The following CSRNP3 variants were observed in gnomAD, a reference collection of about 807,000 sequenced individuals.
CSRNP3 encodes cysteine and serine rich nuclear protein 3.
In CSRNP3, 12 loss-of-function variants were observed where a neutral mutation model predicts 48.0. The ratio of observed to expected loss-of-function variants is 0.25; its 90% CI spans 0.16 to 0.41. The LOEUF is 0.41. CSRNP3 is among the 10% of genes least tolerant of loss of function. CSRNP3 has a pLI of 1.00. For synonymous variants in CSRNP3, 263 were observed against 269.7 expected (o/e 0.98, Z 0.24); for missense variants, 580 against 724.4 (o/e 0.80, Z 2.29).
At chr2:165,507,971 A>G (rs1485194832) in intron 2 of CSRNP3, among the ~76,000 whole-genome samples, 2 of 152,056 alleles carry the variant, frequency 1.3e-5, no homozygotes, top group African/African-American at 2.4e-5. Flanking sequence ...CAAAAATCGC[A>G]TGGTTTCCAT....
At position 165,676,678 on chromosome 2, in the gene CSRNP3, G is replaced by A. The variant is rs1687431559; in HGVS notation, c.705+70G>A. On this transcript the variant is annotated intron_variant, in intron 6 of 6. Transcript: ENST00000651982. ...ACCACCCCCTAAGGAGGCAGTCATG[G>A]TACCTATAATGAAGCTTCCCACATG... is the stretch of plus-strand genomic sequence containing the variant. 6 of 1,419,912 alleles carry A rather than the reference G, an allele frequency of 4.2e-6. No homozygotes were observed. In the East Asian group the frequency reaches 1.4e-4, roughly 33 times the overall value. The allele number at this position is 1,419,912 out of a possible 1,614,324, so 88.0% of individuals were successfully genotyped here.
chr2:165,685,401 G>C lies in CSRNP3; in HGVS notation c.*5648G>C, dbSNP rs1296246218. 1.3e-5 allele frequency: 2 copies of C among 152,020 alleles called. No individual in the cohort carries two copies. The highest frequency in any genetic ancestry group is 3.9e-4 in the East Asian group (2 of 5,180). 9.4% of individuals were successfully genotyped at this position (152,020 alleles called of 1,614,324 possible). ...TCAGTTCTCAGGCTAGTCTAAGTCTGTGCTGTCTTGGCATGCCTTGGGTTT... is the reference window on the plus strand; with the variant it reads ...TCAGTTCTCAGGCTAGTCTAAGTCTCTGCTGTCTTGGCATGCCTTGGGTTT... On this transcript the variant is annotated 3_prime_UTR_variant, in exon 7 of 7. Transcript: ENST00000651982.
At position 165,612,226 on chromosome 2, in the gene CSRNP3, T is replaced by C. The variant is rs556158326; in HGVS notation, c.148+17013T>C. ...TTGTATTATGTCTATAGTAACAAAA[T>C]TGATTACCTTATAATTTCTGAATAA... On this transcript the variant is annotated intron_variant, in intron 4 of 6. Transcript: ENST00000651982. Among the ~76,000 whole-genome samples, 13 of 152,236 alleles carry C rather than the reference T, an allele frequency of 8.5e-5. No individual in the cohort carries two copies. In the South Asian group the frequency reaches 2.7e-3, roughly 32 times the overall value.
At chr2:165,551,692 T>C (rs1231852829) in intron 3 of CSRNP3, among the ~76,000 whole-genome samples, 1 of 152,134 alleles carries the variant, frequency 6.6e-6, no homozygotes, top group African/African-American at 2.4e-5. Context: ...ATAAAGTATG[T>C]TTAATAAAGT....
intron 3 of CSRNP3, among the ~76,000 whole-genome samples, chr2:165,569,361 A>T (rs1458886543): frequency 1.3e-5 from 2 of 152,062 alleles, no homozygotes; most frequent in African/African-American, 4.8e-5. Flanking sequence ...TAGAATGTTC[A>T]AGAGATCGTC....
At chr2:165,572,436 A>G (rs987329877) in intron 3 of CSRNP3, 1 of 152,214 alleles carries the variant, frequency 6.6e-6, no homozygotes, top group Admixed American at 6.5e-5. Context: ...GGTACAAGCA[A>G]TAAAACACAG....
intron 3 of CSRNP3, among the ~76,000 whole-genome samples, chr2:165,525,636 A>G (rs1265008937): frequency 6.6e-6 from 1 of 151,516 alleles, no homozygotes; most frequent in African/African-American, 2.4e-5. Flanking sequence ...CAGGCGTGTG[A>G]CACCACGCTC....
chr2:165,615,137 C>T (rs1686215886), intron 4 of CSRNP3, among the ~76,000 whole-genome samples: 1 of 152,138 alleles, frequency 6.6e-6, no homozygotes, highest in Admixed American at 6.6e-5. Flanking sequence ...AATCATCTTT[C>T]CAATGCTGAA....
chr2:165,615,435 C>T (rs1441931715), intron 4 of CSRNP3, among the ~76,000 whole-genome samples: 2 of 151,548 alleles, frequency 1.3e-5, no homozygotes, highest in African/African-American at 4.9e-5. Context: ...CTCAGATACT[C>T]AGGAGGTTGA....
chr2:165,490,928 C>CA, intron 1 of CSRNP3, among the ~76,000 whole-genome samples: 1 of 135,838 alleles, frequency 7.4e-6, no homozygotes, highest in African/African-American at 2.7e-5. Flanking sequence ...CCAATGGCAA[C>CA]AAAAGCCAAA....
At chr2:165,528,091 GT>G (rs897556051) in intron 3 of CSRNP3, among the ~76,000 whole-genome samples, 12 of 152,144 alleles carry the variant, frequency 7.9e-5, no homozygotes, top group Admixed American at 3.3e-4. Flanking sequence ...AATTAGCAAA[GT>G]TTTTTTATTA....
intron 6 of CSRNP3, among the ~76,000 whole-genome samples, chr2:165,678,032 T>G (rs1687457603): frequency 1.3e-5 from 2 of 152,116 alleles, no homozygotes; most frequent in Non-Finnish European, 2.9e-5. Flanking sequence ...GTCATAGTCA[T>G]GAATGTGCAT....
At chr2:165,477,974 C>A (rs1683987572) in intron 1 of CSRNP3, among the ~76,000 whole-genome samples, 1 of 142,082 alleles carries the variant, frequency 7.0e-6, no homozygotes, top group Admixed American at 7.4e-5. Context: ...GAGACCCTGT[C>A]AAAGAAAAGA....
chr2:165,670,883 G>A (rs1687316741), intron 5 of CSRNP3, among the ~76,000 whole-genome samples: 1 of 151,830 alleles, frequency 6.6e-6, no homozygotes, highest in South Asian at 2.1e-4. Flanking sequence ...TCTTGGGGAG[G>A]CAACATTATT....
chr2:165,658,605 G>A lies in CSRNP3; in HGVS notation c.408+585G>A, dbSNP rs149546486. 1.5e-4 allele frequency among the ~76,000 whole-genome samples: 23 copies of A among 152,160 alleles called. 1 individual carries two copies. In the East Asian group the frequency reaches 3.1e-3, roughly 20 times the overall value. The stretch of plus-strand genomic sequence containing the variant: ...TCATGCTGCTGATAAAGACACACCC[G>A]GGACTAGGTAATTTATAAAGAAAAG... On this transcript the variant is annotated intron_variant, in intron 5 of 6. Coordinates refer to ENST00000651982, the MANE Select transcript of CSRNP3 (RefSeq NM_001172173.2).
At chr2:165,572,589 T>G (rs1685389794) in intron 3 of CSRNP3, 1 of 152,158 alleles carries the variant, frequency 6.6e-6, no homozygotes, top group African/African-American at 2.4e-5. Flanking sequence ...TTTGAACAGG[T>G]TGGTGATTTT....
At chr2:165,516,333 T>C (rs918307796) in intron 2 of CSRNP3, among the ~76,000 whole-genome samples, 1 of 152,170 alleles carries the variant, frequency 6.6e-6, no homozygotes, top group Non-Finnish European at 1.5e-5. Flanking sequence ...TATGCCATCA[T>C]TTGAATGTAT....
At chr2:165,665,937 GAGGA>G (rs199587190) in intron 5 of CSRNP3, among the ~76,000 whole-genome samples, 5,953 of 144,710 alleles carry the variant, frequency 0.041, 249 homozygotes, top group Non-Finnish European at 0.063. Flanking sequence ...AAGAAAGAGA[GAGGA>G]AGGAAGGAAG....
At chr2:165,568,901 T>C (rs1685333060) in intron 3 of CSRNP3, among the ~76,000 whole-genome samples, 1 of 152,090 alleles carries the variant, frequency 6.6e-6, no homozygotes, top group Admixed American at 6.6e-5. Context: ...AAAATAATTT[T>C]TCTGATTTTA....
Sources: allele counts gnomAD v4.1 joint callset (sites outside exome capture counted in the v4.1 genomes callset), GRCh38; gene constraint gnomAD v4.1.1; transcripts MANE v1.5; gene names NCBI Gene and HGNC (gene_info 2026-07-23, HGNC 2026-07-21).